ZBTB20: variants seen among roughly 807,000 people sequenced by gnomAD.
ZBTB20 encodes zinc finger and BTB domain containing 20, also known as zinc finger and BTB domain-containing protein 20.
In ZBTB20, 9 loss-of-function variants were observed where a neutral mutation model predicts 56.9. The ratio of observed to expected loss-of-function variants is 0.16; its 90% CI spans 0.10 to 0.28. The LOEUF (loss-of-function observed/expected upper bound fraction) is 0.28, where lower values mean the gene tolerates loss of function less well. Among genes scored for constraint, ZBTB20 ranks in the 10% least tolerant of loss-of-function variants. The pLI, the probability that ZBTB20 is intolerant of heterozygous loss-of-function variation, is 1.00. For synonymous variants in ZBTB20, 417 were observed against 420.7 expected (o/e 0.99, Z 0.11); for missense variants, 655 against 1,003.0 (o/e 0.65, Z 4.69).
intron 10 of ZBTB20, among the ~76,000 whole-genome samples, chr3:114,369,778 G>T (rs2082804459): frequency 6.6e-6 from 1 of 152,156 alleles, no homozygotes; most frequent in East Asian, 1.9e-4. Context: ...TACCTGAATT[G>T]GGCATATCAT....
intron 1 of ZBTB20, among the ~76,000 whole-genome samples, chr3:115,084,181 T>A (rs902561664): frequency 6.6e-6 from 1 of 151,546 alleles, no homozygotes; most frequent in Admixed American, 6.6e-5. Context: ...ATCCTTACGA[T>A]GTTTACATAG....
chr3:114,981,996 C>T (rs138499814), intron 2 of ZBTB20, among the ~76,000 whole-genome samples: 11 of 152,132 alleles, frequency 7.2e-5, no homozygotes, highest in African/African-American at 2.6e-4. Context: ...ACAAAACTGG[C>T]CCCACCTTTG....
intron 6 of ZBTB20, among the ~76,000 whole-genome samples, chr3:114,649,282 C>T (rs533171058): frequency 6.6e-6 from 1 of 152,076 alleles, no homozygotes; most frequent in East Asian, 1.9e-4. Flanking sequence ...AAGTTAGAAA[C>T]ATTCAAGTGA....
chr3:114,516,065 C>T (rs941760216), intron 6 of ZBTB20, among the ~76,000 whole-genome samples: 1 of 151,318 alleles, frequency 6.6e-6, no homozygotes, highest in Non-Finnish European at 1.5e-5. Context: ...TTCCAAAATC[C>T]ATTCTTCAAC....
intron 6 of ZBTB20, among the ~76,000 whole-genome samples, chr3:114,506,841 T>C (rs2044673252): frequency 6.6e-6 from 1 of 152,198 alleles, no homozygotes; most frequent in African/African-American, 2.4e-5. Flanking sequence ...CCACTGCTGC[T>C]TCTTTATATA....
At chr3:114,722,854 C>T (rs1240638273) in intron 5 of ZBTB20, among the ~76,000 whole-genome samples, 2 of 152,204 alleles carry the variant, frequency 1.3e-5, no homozygotes, top group African/African-American at 4.8e-5. Context: ...TTGGACTTCA[C>T]AGCTCTGTTT....
At chr3:114,969,197 A>T (rs1183572153) in intron 3 of ZBTB20, among the ~76,000 whole-genome samples, 1 of 152,238 alleles carries the variant, frequency 6.6e-6, no homozygotes, top group Non-Finnish European at 1.5e-5. Context: ...TTTCTGGCAC[A>T]GAGCTAGCAT....
chr3:114,943,872 A>G (rs1268335659), intron 3 of ZBTB20, among the ~76,000 whole-genome samples: 1 of 143,316 alleles, frequency 7.0e-6, no homozygotes, highest in Non-Finnish European at 1.5e-5. Context: ...AAGAATGTCT[A>G]AGAACCCCAA....
At chr3:115,014,287 G>A (rs1019019316) in intron 2 of ZBTB20, among the ~76,000 whole-genome samples, 5 of 151,596 alleles carry the variant, frequency 3.3e-5, no homozygotes, top group Non-Finnish European at 7.4e-5. Flanking sequence ...GGTAGGGGGA[G>A]AAGTGGGGAT....
intron 5 of ZBTB20, among the ~76,000 whole-genome samples, chr3:114,759,720 A>G (rs1173300252): frequency 3.9e-5 from 6 of 152,146 alleles, no homozygotes; most frequent in Non-Finnish European, 1.5e-5. Context: ...CCTCATCCTC[A>G]AATCAGTTTG....
intron 10 of ZBTB20, among the ~76,000 whole-genome samples, chr3:114,365,639 G>A (rs1576383318): frequency 6.6e-6 from 1 of 152,182 alleles, no homozygotes; most frequent in African/African-American, 2.4e-5. Flanking sequence ...AACTGTGCAG[G>A]ATGTTACAGT....
At chr3:114,927,599 A>C (rs1481278336) in intron 3 of ZBTB20, among the ~76,000 whole-genome samples, 1 of 152,204 alleles carries the variant, frequency 6.6e-6, no homozygotes, top group Admixed American at 6.5e-5. Flanking sequence ...GTCCACAGTT[A>C]TGCCAAGATT....
chr3:114,636,700 G>A (rs2059293269), intron 6 of ZBTB20, among the ~76,000 whole-genome samples: 1 of 151,890 alleles, frequency 6.6e-6, no homozygotes, highest in African/African-American at 2.4e-5. Flanking sequence ...AGGAATCAAA[G>A]CATATTGCTA....
chr3:114,994,177 T>G (rs2078935771), intron 2 of ZBTB20, among the ~76,000 whole-genome samples: 3 of 151,810 alleles, frequency 2.0e-5, no homozygotes, highest in African/African-American at 7.2e-5. Flanking sequence ...ACTAAACAAC[T>G]AAATGGCAAT....
At chr3:115,138,751 T>C (rs943495227) in intron 1 of ZBTB20, among the ~76,000 whole-genome samples, 1 of 152,120 alleles carries the variant, frequency 6.6e-6, no homozygotes, top group Non-Finnish European at 1.5e-5. Context: ...AACCAATGAC[T>C]GCAACAAAGT....
chr3:115,008,951 A>G (rs1430999337), intron 2 of ZBTB20, among the ~76,000 whole-genome samples: 2 of 151,916 alleles, frequency 1.3e-5, no homozygotes, highest in Non-Finnish European at 2.9e-5. Context: ...CAAACCATGA[A>G]TATTATCTAA....
intron 6 of ZBTB20, among the ~76,000 whole-genome samples, chr3:114,545,680 AG>A (rs978389314): frequency 6.6e-6 from 1 of 152,152 alleles, no homozygotes; most frequent in Non-Finnish European, 1.5e-5. Context: ...AGGCTGGAGG[AG>A]GGGGTCTTCA....
chr3:114,553,662 A>T (rs999022333), intron 6 of ZBTB20, among the ~76,000 whole-genome samples: 1 of 152,178 alleles, frequency 6.6e-6, no homozygotes, highest in Admixed American at 6.6e-5. Flanking sequence ...GACTGAAATG[A>T]CTTAAACATA....
intron 3 of ZBTB20, among the ~76,000 whole-genome samples, chr3:114,904,552 A>C (rs2075249853): frequency 6.6e-6 from 1 of 151,992 alleles, no homozygotes; most frequent in Admixed American, 6.6e-5. Flanking sequence ...TATCATTATT[A>C]TATGGTTATT....
Sources: allele counts gnomAD v4.1 joint callset (sites outside exome capture counted in the v4.1 genomes callset), GRCh38; gene constraint gnomAD v4.1.1; transcripts MANE v1.5; gene names NCBI Gene and HGNC (gene_info 2026-07-23, HGNC 2026-07-21).